Variants in BTBD9 observed in about 807,000 individuals in gnomAD.
The protein encoded by BTBD9 is BTB/POZ domain-containing protein 9.
A neutral mutation model predicts 64.3 loss-of-function variants in BTBD9; 49 were observed. The observed-to-expected ratio is 0.76, with a 90% CI of 0.61 to 0.97. The LOEUF (loss-of-function observed/expected upper bound fraction) is 0.97. Among genes scored for constraint, BTBD9 ranks in the 50% least tolerant of loss-of-function variants. The probability of loss-of-function intolerance (pLI) is 0.00; values close to 1 mark genes in which losing one functional copy is unlikely to be tolerated. For synonymous variants in BTBD9, 260 were observed against 274.7 expected (o/e 0.95, Z 0.53); for missense variants, 598 against 762.1 (o/e 0.78, Z 2.53).
intron 7 of BTBD9, among the ~76,000 whole-genome samples, chr6:38,336,329 T>TGA (rs1202927728): frequency 1.3e-5 from 2 of 152,066 alleles, no homozygotes; most frequent in African/African-American, 4.8e-5. Context: ...CATGCTGCTA[T>TGA]GAAGAAATAC....
chr6:38,182,777 C>A (rs567600531), intron 10 of BTBD9, among the ~76,000 whole-genome samples: 2 of 152,330 alleles, frequency 1.3e-5, no homozygotes, highest in African/African-American at 4.8e-5. Flanking sequence ...CTCCTGGGTA[C>A]TCATCTGCCC....
At chr6:38,541,592 G>C (rs556144048) in intron 6 of BTBD9, among the ~76,000 whole-genome samples, 125 of 152,280 alleles carry the variant, frequency 8.2e-4, no homozygotes, top group African/African-American at 2.8e-3. Context: ...CAAAAAATTA[G>C]CCGGGCATGG....
chr6:38,589,702 G>T (rs1317352602), intron 4 of BTBD9, among the ~76,000 whole-genome samples: 1 of 152,058 alleles, frequency 6.6e-6, no homozygotes, highest in East Asian at 1.9e-4. Flanking sequence ...AAACATCCAT[G>T]GCCTAATTCC....
At chr6:38,509,049 C>T (rs936874707) in intron 6 of BTBD9, among the ~76,000 whole-genome samples, 2 of 152,162 alleles carry the variant, frequency 1.3e-5, no homozygotes, top group Admixed American at 6.5e-5. Context: ...ATTTTTTAAA[C>T]ACTTACTTGT....
At chr6:38,563,362 C>T (rs181244044) in intron 6 of BTBD9, among the ~76,000 whole-genome samples, 31 of 152,276 alleles carry the variant, frequency 2.0e-4, no homozygotes, top group Non-Finnish European at 2.9e-5. Context: ...CTCAAATCCA[C>T]TCGTTTCTCT....
At chr6:38,357,725 C>T (rs563561019) in intron 6 of BTBD9, among the ~76,000 whole-genome samples, 3 of 152,188 alleles carry the variant, frequency 2.0e-5, no homozygotes, top group African/African-American at 4.8e-5. Flanking sequence ...ATACAGGAGA[C>T]GATAACCATT....
chr6:38,601,527 A>C (rs1777238533), intron 1 of BTBD9, among the ~76,000 whole-genome samples: 1 of 152,068 alleles, frequency 6.6e-6, no homozygotes, highest in African/African-American at 2.4e-5. Context: ...TCCACAAAAA[A>C]ATTTAAAAAT....
At chr6:38,311,708 A>ACCC (rs1762842758) in intron 7 of BTBD9, among the ~76,000 whole-genome samples, 2 of 152,188 alleles carry the variant, frequency 1.3e-5, no homozygotes, top group Non-Finnish European at 2.9e-5. Context: ...ACAGTGTACA[A>ACCC]GGGTTCCCTT....
At chr6:38,434,868 C>A (rs530691657) in intron 6 of BTBD9, among the ~76,000 whole-genome samples, 4 of 151,958 alleles carry the variant, frequency 2.6e-5, no homozygotes, top group Non-Finnish European at 5.9e-5. Flanking sequence ...CTGCAGATAA[C>A]AAAATCTGCA....
chr6:38,171,885 AT>A lies in BTBD9; in HGVS notation c.*3099del, dbSNP rs1454388873. 26 of 126,844 alleles carry A rather than the reference AT, an allele frequency of 2.0e-4. No homozygotes were observed. The highest frequency in any genetic ancestry group is 7.2e-4 in the East Asian group (3 of 4,162). 7.9% of individuals were successfully genotyped at this position (126,844 alleles called of 1,614,324 possible). On this transcript the variant is annotated 3_prime_UTR_variant, in exon 11 of 11. Transcript: ENST00000481247. ...AAAAAAAAAAAAAAAAAAAAAAATAATAATAATAATAATAATAATAATAATG... is the reference window on the plus strand; with the variant it reads ...AAAAAAAAAAAAAAAAAAAAAAATAAAATAATAATAATAATAATAATAATG...
intron 6 of BTBD9, among the ~76,000 whole-genome samples, chr6:38,437,577 G>C (rs1214060288): frequency 6.6e-6 from 1 of 152,184 alleles, no homozygotes; most frequent in Non-Finnish European, 1.5e-5. Context: ...TGTGAAAACT[G>C]TAATGCCCTT....
At chr6:38,300,787 C>A (rs1037346017) in intron 7 of BTBD9, among the ~76,000 whole-genome samples, 1 of 152,146 alleles carries the variant, frequency 6.6e-6, no homozygotes, top group African/African-American at 2.4e-5. Flanking sequence ...TCTAGATATA[C>A]AATCATGTCA....
At chr6:38,496,671 AAG>A (rs912454718) in intron 6 of BTBD9, among the ~76,000 whole-genome samples, 1 of 150,874 alleles carries the variant, frequency 6.6e-6, no homozygotes, top group Non-Finnish European at 1.5e-5. Flanking sequence ...AAAAAAAAAA[AAG>A]AGAGAGAGAG....
chr6:38,416,367 CT>C (rs1273268196), intron 6 of BTBD9, among the ~76,000 whole-genome samples: 1 of 149,564 alleles, frequency 6.7e-6, no homozygotes, highest in African/African-American at 2.5e-5. Context: ...TGGAGTCTTG[CT>C]CTGTCACCCC....
At chr6:38,349,235 C>T (rs1312961050) in intron 6 of BTBD9, among the ~76,000 whole-genome samples, 1 of 152,150 alleles carries the variant, frequency 6.6e-6, no homozygotes, top group Non-Finnish European at 1.5e-5. Flanking sequence ...AAAATGAGGT[C>T]AATAACACGA....
chr6:38,281,185 C>T (rs1019476127), intron 8 of BTBD9, among the ~76,000 whole-genome samples: 1 of 152,090 alleles, frequency 6.6e-6, no homozygotes, highest in Non-Finnish European at 1.5e-5. Flanking sequence ...TCTCCTTTTT[C>T]TTTTCTGTGC....
chr6:38,570,004 C>T (rs1775689880), intron 6 of BTBD9, among the ~76,000 whole-genome samples: 1 of 152,112 alleles, frequency 6.6e-6, no homozygotes, highest in African/African-American at 2.4e-5. Context: ...TATAATAATA[C>T]TCTAAAATGA....
chr6:38,537,591 G>A (rs1435233721), intron 6 of BTBD9, among the ~76,000 whole-genome samples: 2 of 152,148 alleles, frequency 1.3e-5, no homozygotes, highest in African/African-American at 2.4e-5. Context: ...GTGAGAATGG[G>A]GAGTTAGAGA....
rs1191734718 is a variant in BTBD9 at position 38,378,134 on chromosome 6, G to A, written c.1155-33041C>T. 2.0e-5 allele frequency among the ~76,000 whole-genome samples: 3 copies of A among 152,020 alleles called. No individual in the cohort carries two copies. The East Asian group carries it at 5.8e-4, about 29-fold the overall frequency. ...TCTCGGGGAACCCTCCCCCTTATCTGCCTCCTGCATCTATCATTGACAGGA... is the reference window on the plus strand; with the variant it reads ...TCTCGGGGAACCCTCCCCCTTATCTACCTCCTGCATCTATCATTGACAGGA... On this transcript the variant is annotated intron_variant, in intron 6 of 10. Transcript: ENST00000481247.
Sources: allele counts gnomAD v4.1 joint callset (sites outside exome capture counted in the v4.1 genomes callset), GRCh38; gene constraint gnomAD v4.1.1; transcripts MANE v1.5; gene names NCBI Gene and HGNC (gene_info 2026-07-23, HGNC 2026-07-21).